Variants in SLC44A5 observed in about 807,000 individuals in gnomAD.
SLC44A5 encodes the protein solute carrier family 44 member 5.
In SLC44A5, 57 loss-of-function variants were observed where a neutral mutation model predicts 101.8. The observed-to-expected ratio is 0.56, with a 90% CI of 0.45 to 0.70. The LOEUF is 0.70. SLC44A5 is among the 30% of genes least tolerant of loss of function. The pLI is 0.00. For synonymous variants in SLC44A5, 281 were observed against 290.9 expected (o/e 0.97, Z 0.35); for missense variants, 737 against 853.1 (o/e 0.86, Z 1.70).
At chr1:75,547,587 A>G (rs528859324) in intron 1 of SLC44A5, among the ~76,000 whole-genome samples, 11 of 152,292 alleles carry the variant, frequency 7.2e-5, no homozygotes, top group African/African-American at 2.6e-4. Context: ...GGGGATGCTC[A>G]AGACATTTTG....
At chr1:75,659,494 C>CA in the SLC44A5 span, among the ~76,000 whole-genome samples, 1 of 65,540 alleles carries the variant, frequency 1.5e-5, no homozygotes, top group East Asian at 2.9e-4. Context: ...GGAAGGAAGG[C>CA]AGGCAGGCAG....
At chr1:75,553,236 A>G (rs996575743) in intron 1 of SLC44A5, among the ~76,000 whole-genome samples, 1 of 152,280 alleles carries the variant, frequency 6.6e-6, no homozygotes, top group Non-Finnish European at 1.5e-5. Context: ...TTGACTACCT[A>G]TTGGGAGCCA....
chr1:75,690,710 C>T, the SLC44A5 span, among the ~76,000 whole-genome samples: 1 of 152,204 alleles, frequency 6.6e-6, no homozygotes, highest in African/African-American at 2.4e-5. Flanking sequence ...CTAAATCACA[C>T]ATCCACCAAG....
At chr1:75,206,673 G>A (rs746770659) in intron 23 of SLC44A5, 21 of 1,612,922 alleles carry the variant, frequency 1.3e-5, no homozygotes, top group African/African-American at 1.3e-5. Flanking sequence ...TAGGGGTTAC[G>A]AAGTAGGGTT....
At chr1:75,376,274 T>C (rs2101210069) in intron 3 of SLC44A5, among the ~76,000 whole-genome samples, 1 of 152,330 alleles carries the variant, frequency 6.6e-6, no homozygotes, top group East Asian at 1.9e-4. Flanking sequence ...GCGCCCGCCA[T>C]TGCCCAGGCT....
intron 1 of SLC44A5, among the ~76,000 whole-genome samples, chr1:75,591,450 G>T (rs1257290811): frequency 6.6e-6 from 1 of 152,076 alleles, no homozygotes; most frequent in African/African-American, 2.4e-5. Flanking sequence ...TGTTGGATTT[G>T]ATTACCTAGT....
At chr1:75,338,100 T>C (rs1040407207) in intron 4 of SLC44A5, among the ~76,000 whole-genome samples, 2 of 152,176 alleles carry the variant, frequency 1.3e-5, no homozygotes, top group African/African-American at 4.8e-5. Context: ...CTCCCTGGTT[T>C]TACAATGCTT....
At chr1:75,483,300 AT>A (rs2101785199) in intron 2 of SLC44A5, among the ~76,000 whole-genome samples, 1 of 152,310 alleles carries the variant, frequency 6.6e-6, no homozygotes, top group South Asian at 2.1e-4. Context: ...TCCAGATATC[AT>A]TTTTATTACT....
At chr1:75,653,934 G>A in the SLC44A5 span, among the ~76,000 whole-genome samples, 1 of 152,136 alleles carries the variant, frequency 6.6e-6, no homozygotes. Flanking sequence ...GCTTCAGCTA[G>A]TAACAAAGCC....
At chr1:75,321,504 C>A (rs1369626640) in intron 4 of SLC44A5, among the ~76,000 whole-genome samples, 14 of 151,824 alleles carry the variant, frequency 9.2e-5, no homozygotes, top group Non-Finnish European at 1.6e-4. Context: ...TCTCTTCTTA[C>A]AAGGGCACTA....
At chr1:75,249,009 A>G (rs1376235068) in intron 7 of SLC44A5, among the ~76,000 whole-genome samples, 1 of 152,062 alleles carries the variant, frequency 6.6e-6, no homozygotes, top group Admixed American at 6.6e-5. Context: ...TAAAAGAATT[A>G]TTGGAGTTGC....
At chr1:75,456,535 A>G (rs1333440962) in intron 2 of SLC44A5, among the ~76,000 whole-genome samples, 2 of 152,168 alleles carry the variant, frequency 1.3e-5, no homozygotes, top group African/African-American at 2.4e-5. Flanking sequence ...TTGGCTCCCA[A>G]TTAGTCTTAC....
At chr1:75,347,568 A>G (rs1658336870) in intron 3 of SLC44A5, among the ~76,000 whole-genome samples, 1 of 152,112 alleles carries the variant, frequency 6.6e-6, no homozygotes, top group Non-Finnish European at 1.5e-5. Flanking sequence ...GAAACAGCAG[A>G]CAACAGAGAT....
chr1:75,210,527 T>C (rs79271258), intron 23 of SLC44A5, among the ~76,000 whole-genome samples: 13,982 of 152,176 alleles, frequency 0.092, 927 homozygotes, highest in African/African-American at 0.18. Flanking sequence ...CATTTGTCAT[T>C]GTGATGCACA....
At chr1:75,260,245 A>AG (rs1650375497) in intron 6 of SLC44A5, among the ~76,000 whole-genome samples, 1 of 152,196 alleles carries the variant, frequency 6.6e-6, no homozygotes, top group African/African-American at 2.4e-5. Context: ...TTGGATAAAA[A>AG]GTCAACACCC....
intron 4 of SLC44A5, among the ~76,000 whole-genome samples, chr1:75,306,061 A>G (rs1654873358): frequency 6.6e-6 from 1 of 152,254 alleles, no homozygotes; most frequent in African/African-American, 2.4e-5. Context: ...CAAAGGAATA[A>G]TATTTTGTAA....
chr1:75,483,341 CA>C lies in SLC44A5; in HGVS notation c.13+58093del, dbSNP rs58259337. On this transcript the variant is annotated intron_variant, in intron 2 of 23. Coordinates refer to ENST00000370859, the MANE Select transcript of SLC44A5 (RefSeq NM_001130058.2). ...TTATTAAAATCAAAGTTCTAAACCT[CA>C]AAAAAAGCTTAAAAACATTTGGTTC... 9.5e-3 allele frequency among the ~76,000 whole-genome samples: 1,450 copies of C among 152,066 alleles called. 30 individuals are homozygous for C. Among genetic ancestry groups the C allele is most frequent in the African/African-American group, 0.033 (1,372 of 41,508 alleles).
upstream of SLC44A5, among the ~76,000 whole-genome samples, chr1:75,615,416 TAC>T (rs3031479): frequency 0.45 from 58,747 of 131,234 alleles, 13,570 homozygotes; most frequent in East Asian, 0.9. Flanking sequence ...CTCTCTCTCT[TAC>T]ACACACACAC....
At chr1:75,400,077 C>G (rs1006271025) in intron 2 of SLC44A5, among the ~76,000 whole-genome samples, 2 of 152,174 alleles carry the variant, frequency 1.3e-5, no homozygotes, top group African/African-American at 4.8e-5. Context: ...TGAATCAGCA[C>G]AGAAACCGAA....
Sources: allele counts gnomAD v4.1 joint callset (sites outside exome capture counted in the v4.1 genomes callset), GRCh38; gene constraint gnomAD v4.1.1; transcripts MANE v1.5; gene names NCBI Gene and HGNC (gene_info 2026-07-23, HGNC 2026-07-21).